ERBB4: variants seen among roughly 807,000 people sequenced by gnomAD.
ERBB4 encodes erb-b2 receptor tyrosine kinase 4.
ERBB4 carries 42 observed loss-of-function variants against 158.0 expected under a neutral mutation model. The observed-to-expected ratio is 0.27, with a 90% CI of 0.21 to 0.34. ERBB4 has a LOEUF of 0.34. Among genes scored for constraint, ERBB4 ranks in the 10% least tolerant of loss-of-function variants. The pLI is 1.00. For missense variants in ERBB4, 1,333 were observed against 1,624.1 expected (o/e 0.82, Z 3.08); for synonymous variants, 583 against 558.7 (o/e 1.04, Z -0.61).
intron 19 of ERBB4, among the ~76,000 whole-genome samples, chr2:211,600,697 C>T (rs1163124120): frequency 6.6e-6 from 1 of 152,126 alleles, no homozygotes; most frequent in African/African-American, 2.4e-5. Context: ...AAAGTCACTA[C>T]ATTTGGGGAC....
intron 2 of ERBB4, among the ~76,000 whole-genome samples, chr2:212,029,862 T>C (rs774992876): frequency 1.3e-5 from 2 of 152,174 alleles, no homozygotes; most frequent in African/African-American, 2.4e-5. Context: ...GACAAAATTT[T>C]CAGTCAAATT....
intron 19 of ERBB4, among the ~76,000 whole-genome samples, chr2:211,569,889 C>T (rs1049500379): frequency 1.3e-5 from 2 of 152,152 alleles, no homozygotes; most frequent in Non-Finnish European, 2.9e-5. Flanking sequence ...TTCTGTTGTA[C>T]TTCATTTACC....
intron 1 of ERBB4, among the ~76,000 whole-genome samples, chr2:212,161,737 T>C (rs1054335228): frequency 6.6e-6 from 1 of 151,882 alleles, no homozygotes. Flanking sequence ...TCCTTTGAGT[T>C]ATATGACCAT....
intron 19 of ERBB4, among the ~76,000 whole-genome samples, chr2:211,607,280 G>A (rs1393251102): frequency 6.6e-6 from 1 of 152,052 alleles, no homozygotes; most frequent in Non-Finnish European, 1.5e-5. Context: ...TTCTCACCTA[G>A]CTAAGCAGCA....
At chr2:211,464,271 A>G (rs2064615754) in intron 20 of ERBB4, among the ~76,000 whole-genome samples, 1 of 152,204 alleles carries the variant, frequency 6.6e-6, no homozygotes, top group African/African-American at 2.4e-5. Context: ...TAGAACATAC[A>G]TAATAGGCAC....
chr2:212,176,203 C>T (rs113126473), intron 1 of ERBB4, among the ~76,000 whole-genome samples: 1 of 151,956 alleles, frequency 6.6e-6, no homozygotes, highest in South Asian at 2.1e-4. Flanking sequence ...CTATCTTAAA[C>T]CTCTGTCCTC....
chr2:212,006,862 A>C (rs367813697), intron 2 of ERBB4, among the ~76,000 whole-genome samples: 4 of 152,148 alleles, frequency 2.6e-5, no homozygotes, highest in South Asian at 4.1e-4. Flanking sequence ...TTATTGATTT[A>C]AGCTGGACAT....
intron 1 of ERBB4, among the ~76,000 whole-genome samples, chr2:212,389,884 A>G (rs1175325886): frequency 2.0e-5 from 3 of 151,908 alleles, no homozygotes; most frequent in African/African-American, 7.2e-5. Flanking sequence ...TTAAAATGGT[A>G]TAATAACTCA....
intron 2 of ERBB4, among the ~76,000 whole-genome samples, chr2:212,026,592 T>A (rs1222318960): frequency 6.6e-6 from 1 of 151,924 alleles, no homozygotes; most frequent in Non-Finnish European, 1.5e-5. Flanking sequence ...TTCTAGTTGG[T>A]AAATATTAAA....
chr2:211,669,216 C>CAAAAAAAAAAAAAAA (rs71054124), intron 14 of ERBB4, among the ~76,000 whole-genome samples: 97 of 55,860 alleles, frequency 1.7e-3, no homozygotes, highest in Non-Finnish European at 2.1e-3. Context: ...GAGTGAGTCT[C>CAAAAAAAAAAAAAAA]AAAAAAAAAA....
At chr2:212,329,662 C>G (rs2088036254) in intron 1 of ERBB4, among the ~76,000 whole-genome samples, 1 of 151,940 alleles carries the variant, frequency 6.6e-6, no homozygotes, top group Non-Finnish European at 1.5e-5. Flanking sequence ...GTTTAAAAAC[C>G]TCCTTACATG....
intron 1 of ERBB4, among the ~76,000 whole-genome samples, chr2:212,468,124 C>T (rs931622041): frequency 6.6e-6 from 1 of 152,304 alleles, no homozygotes; most frequent in Middle Eastern, 3.4e-3. Flanking sequence ...GACTAACTTG[C>T]TTTTGATTTT....
intron 1 of ERBB4, among the ~76,000 whole-genome samples, chr2:212,449,087 T>C (rs553730590): frequency 6.6e-6 from 1 of 152,286 alleles, no homozygotes; most frequent in African/African-American, 2.4e-5. Flanking sequence ...GAAGTGTGGC[T>C]TCTATCATTC....
intron 1 of ERBB4, among the ~76,000 whole-genome samples, chr2:212,219,399 A>C (rs1211544384): frequency 6.6e-6 from 1 of 151,328 alleles, no homozygotes; most frequent in Non-Finnish European, 1.5e-5. Flanking sequence ...AAAACTGCTA[A>C]ACAAGCATGT....
chr2:211,745,839 G>A (rs2074957461), intron 5 of ERBB4, among the ~76,000 whole-genome samples: 1 of 151,714 alleles, frequency 6.6e-6, no homozygotes, highest in Non-Finnish European at 1.5e-5. Context: ...GGAAACAACT[G>A]AGATTTGTAT....
At chr2:212,293,553 A>T (rs1018257682) in intron 1 of ERBB4, among the ~76,000 whole-genome samples, 4 of 152,142 alleles carry the variant, frequency 2.6e-5, no homozygotes, top group African/African-American at 9.7e-5. Context: ...GTTGAGTGAA[A>T]GTCATACATA....
chr2:212,160,924 T>C (rs981566074), intron 1 of ERBB4, among the ~76,000 whole-genome samples: 7 of 151,892 alleles, frequency 4.6e-5, no homozygotes, highest in African/African-American at 1.7e-4. Flanking sequence ...TATTTGAAAG[T>C]ACAAACTCAA....
intron 2 of ERBB4, among the ~76,000 whole-genome samples, chr2:212,119,553 C>A (rs551784524): frequency 9.9e-5 from 15 of 152,238 alleles, no homozygotes; most frequent in African/African-American, 3.1e-4. Context: ...AAGACAATAG[C>A]ACAAAATCTG....
chr2:211,750,213 A>C (rs909542151), intron 5 of ERBB4, among the ~76,000 whole-genome samples: 1 of 152,180 alleles, frequency 6.6e-6, no homozygotes, highest in Non-Finnish European at 1.5e-5. Flanking sequence ...TGCCTGGAAA[A>C]ATACAGTGGG....
Sources: gnomAD v4.1 joint callset for allele counts (sites outside exome capture counted in the v4.1 genomes callset) on GRCh38, gnomAD v4.1.1 for gene constraint, MANE v1.5 for transcripts, NCBI Gene and HGNC (gene_info 2026-07-23, HGNC 2026-07-21) for gene names.